Variants in PCYT1A observed in about 807,000 individuals in gnomAD.
PCYT1A encodes the protein phosphate cytidylyltransferase 1A, choline.
In PCYT1A, 25 loss-of-function variants were observed where a neutral mutation model predicts 43.7. That is an observed-to-expected ratio of 0.57 (90% confidence interval 0.42 to 0.80). The LOEUF is 0.80. Among genes scored for constraint, PCYT1A ranks in the 30% least tolerant of loss-of-function variants. The probability of loss-of-function intolerance (pLI) is 0.00; values close to 1 mark genes in which losing one functional copy is unlikely to be tolerated. For missense variants in PCYT1A, 421 were observed against 474.2 expected (o/e 0.89, Z 1.04); for synonymous variants, 172 against 170.7 (o/e 1.01, Z -0.06).
intron 2 of PCYT1A, among the ~76,000 whole-genome samples, chr3:196,265,286 T>TGC (rs1387887852): frequency 3.0e-4 from 45 of 152,030 alleles, no homozygotes; most frequent in African/African-American, 1.0e-3. Context: ...CAGGCTGGTC[T>TGC]CAAACTCCTG....
chr3:196,263,243 G>T lies in PCYT1A; in HGVS notation c.118-5356C>A, dbSNP rs533600239. ...TTTTTTTTATTTTTTAAGAGACAGG[G>T]TCTCACTGTTGCCCAGGTTGGAATG... On this transcript the variant is annotated intron_variant, in intron 2 of 8. Transcript: ENST00000431016. Among the ~76,000 whole-genome samples, 4 of 152,142 alleles carry T rather than the reference G, an allele frequency of 2.6e-5. No homozygotes were observed. The South Asian group carries it at 6.2e-4, about 24-fold the overall frequency.
At chr3:196,276,646 C>T (rs1725599707) in intron 1 of PCYT1A, among the ~76,000 whole-genome samples, 1 of 151,558 alleles carries the variant, frequency 6.6e-6, no homozygotes, top group Non-Finnish European at 1.5e-5. Context: ...ACTATTTTCT[C>T]AAGGAAGCTT....
Position 196,256,250 on chromosome 3 carries a change from G to A in PCYT1A, c.217+1538C>T, listed in dbSNP as rs551933276. Among the ~76,000 whole-genome samples, 14 of 152,294 alleles carry A rather than the reference G, an allele frequency of 9.2e-5. No homozygotes were observed. In the East Asian group the frequency reaches 2.5e-3, roughly 27 times the overall value. ...CTCACGCCTGCAATCCCAGCACTTT[G>A]GGAGGCTGAGGTGGGTGGATCACGA... is the stretch of plus-strand genomic sequence containing the variant. On this transcript the variant is annotated intron_variant, in intron 3 of 8. Transcript: ENST00000431016.
chr3:196,283,467 T>C (rs555238210), intron 1 of PCYT1A: 169 of 152,268 alleles, frequency 1.1e-3, no homozygotes, highest in African/African-American at 4.0e-3. Context: ...ATAAGGTAGG[T>C]AACAAACCTA....
In PCYT1A at chr3:196,234,471, A is replaced by C. The variant is rs1489675852; in HGVS notation, c.*4217T>G. ...AAAATTACAGACTGAACCCCACTTG[A>C]GGAAGACTTCCCCACGGACTCACAC... On this transcript the variant is annotated 3_prime_UTR_variant, in exon 9 of 9. Coordinates refer to ENST00000431016, the MANE Select transcript of PCYT1A (RefSeq NM_001312673.2). 3 of 152,240 alleles carry C rather than the reference A, an allele frequency of 2.0e-5. No individual in the cohort carries two copies. Among genetic ancestry groups the C allele is most frequent in the Non-Finnish European group, 4.4e-5 (3 of 68,046 alleles). The allele number at this position is 152,240 out of a possible 1,614,324, so 9.4% of individuals were successfully genotyped here.
At chr3:196,250,029 A>C (rs1701422009) in intron 3 of PCYT1A, among the ~76,000 whole-genome samples, 1 of 151,626 alleles carries the variant, frequency 6.6e-6, no homozygotes, top group African/African-American at 2.4e-5. Context: ...GACCAGATAC[A>C]CCATGCCGAG....
chr3:196,248,007 G>C (rs767338323), intron 4 of PCYT1A, 200 bp downstream of exon 4: 29 of 581,442 alleles, frequency 5.0e-5, no homozygotes, highest in Non-Finnish European at 6.8e-5. Context: ...ATAAATGCCA[G>C]ATGGCACAGT....
At chr3:196,239,764 A>C (rs1339230060) in intron 7 of PCYT1A, 29 bp from the exon 8 acceptor site, 2 of 1,445,956 alleles carry the variant, frequency 1.4e-6, no homozygotes, top group African/African-American at 1.4e-5. Context: ...CTTCTGAGAA[A>C]TAATGCTCAT....
chr3:196,241,885 T>G, intron 7 of PCYT1A, 63 bp downstream of exon 7: 1 of 1,578,946 alleles, frequency 6.3e-7, no homozygotes, highest in Non-Finnish European at 8.7e-7. Context: ...TCAGCTGAGA[T>G]GGAGTGGGAG....
At chr3:196,265,914 T>C (rs1725256324) in intron 2 of PCYT1A, among the ~76,000 whole-genome samples, 1 of 151,634 alleles carries the variant, frequency 6.6e-6, no homozygotes, top group Non-Finnish European at 1.5e-5. Context: ...AATTTTTGTA[T>C]TTTTAGTAGA....
At chr3:196,272,482 C>T (rs1035687787) in intron 1 of PCYT1A, among the ~76,000 whole-genome samples, 7 of 152,060 alleles carry the variant, frequency 4.6e-5, no homozygotes, top group African/African-American at 1.7e-4. Context: ...TGGCGCCTAG[C>T]CAATTTTTGT....
rs532596331 is a variant in PCYT1A at position 196,268,394 on chromosome 3, C to G, written c.117+2021G>C. ...GTTTTGTTGATTGCTGAGTCACTTT[C>G]TGAGCTTATTTGCTGTAGTATGCAG... On this transcript the variant is annotated intron_variant, in intron 2 of 8. Coordinates refer to ENST00000431016, the MANE Select transcript of PCYT1A (RefSeq NM_001312673.2). The surrounding 1 kb of genome is among the most constrained non-coding windows in gnomAD (Gnocchi z 4.4). 6.6e-6 allele frequency among the ~76,000 whole-genome samples: 1 copy of G among 152,318 alleles called. No individual in the cohort carries two copies. The highest frequency in any genetic ancestry group is 6.5e-5 in the Admixed American group (1 of 15,294).
Position 196,257,946 on chromosome 3 carries a change from C to T in PCYT1A, c.118-59G>A. The T allele has an allele frequency of 4.5e-6, 4 of 885,222 alleles. No individual in the cohort carries two copies. The South Asian group carries it at 6.1e-5, about 13-fold the overall frequency. 54.8% of individuals were successfully genotyped at this position (885,222 alleles called of 1,614,324 possible). A position where few individuals can be genotyped will look rare whatever the true frequency, so the allele number is the denominator to read the frequency against. ...CAACTCAATGGCATACACTGTAATACTAAAAAAAAAAAAGATGAGAGAAAG... is the reference window on the plus strand; with the variant it reads ...CAACTCAATGGCATACACTGTAATATTAAAAAAAAAAAAGATGAGAGAAAG... On this transcript the variant is annotated intron_variant, in intron 2 of 8. Transcript: ENST00000431016.
intron 5 of PCYT1A, among the ~76,000 whole-genome samples, chr3:196,243,361 C>A (rs1398282740): frequency 6.6e-6 from 1 of 151,898 alleles, no homozygotes; most frequent in African/African-American, 2.4e-5. Flanking sequence ...GAGGTTACTT[C>A]TTTCTTAACT....
At chr3:196,263,534 C>A (rs1560172178) in intron 2 of PCYT1A, among the ~76,000 whole-genome samples, 2 of 151,832 alleles carry the variant, frequency 1.3e-5, no homozygotes, top group African/African-American at 4.8e-5. Context: ...TTCAATAATG[C>A]CACGGGAAAC....
At chr3:196,276,578 G>A (rs1001682048) in intron 1 of PCYT1A, among the ~76,000 whole-genome samples, 1 of 151,596 alleles carries the variant, frequency 6.6e-6, no homozygotes, top group African/African-American at 2.4e-5. Flanking sequence ...ACTCCAGCCT[G>A]GGCAACAGAG....
At chr3:196,267,831 A>C (rs1725321750) in intron 2 of PCYT1A, among the ~76,000 whole-genome samples, 1 of 152,232 alleles carries the variant, frequency 6.6e-6, no homozygotes, top group Non-Finnish European at 1.5e-5. Context: ...TTATAACTCA[A>C]TAAAGCTGTT....
intron 7 of PCYT1A, chr3:196,241,361 G>A (rs1724348562): frequency 6.0e-6 from 1 of 166,330 alleles, no homozygotes; most frequent in South Asian, 2.0e-4. Flanking sequence ...TTGTTTGTCT[G>A]TTTGTTTAGA....
intron 2 of PCYT1A, among the ~76,000 whole-genome samples, chr3:196,266,288 C>A (rs896308226): frequency 1.3e-5 from 2 of 150,590 alleles, no homozygotes; most frequent in Non-Finnish European, 3.0e-5. Flanking sequence ...CTGGCTAACA[C>A]GGTGAAACCC....
Sources: gnomAD v4.1 joint callset for allele counts (sites outside exome capture counted in the v4.1 genomes callset) on GRCh38, gnomAD v4.1.1 for gene constraint, Gnocchi (gnomAD v3.1) non-coding constraint, MANE v1.5 for transcripts, NCBI Gene and HGNC (gene_info 2026-07-23, HGNC 2026-07-21) for gene names.